CACNA1H: variants seen among roughly 807,000 people sequenced by gnomAD.
CACNA1H encodes calcium voltage-gated channel subunit alpha1 H, also known as voltage-dependent T-type calcium channel subunit alpha-1H.
CACNA1H carries 149 observed loss-of-function variants against 192.5 expected under a neutral mutation model. The ratio of observed to expected loss-of-function variants is 0.77; its 90% CI spans 0.68 to 0.89. The LOEUF is 0.89. Ranked by LOEUF, CACNA1H falls within the 40% of genes least tolerant of loss-of-function variation. The pLI is 0.00. For missense variants in CACNA1H, 4,257 were observed against 3,423.5 expected (o/e 1.24, Z -6.08); for synonymous variants, 2,202 against 1,475.2 (o/e 1.49, Z -11.29).
chr16:1,200,225 A>G (rs755592619), intron 6 of CACNA1H, 31 bp from the exon 7 acceptor site: 8 of 1,552,822 alleles, frequency 5.2e-6, no homozygotes, highest in South Asian at 2.4e-5. Flanking sequence ...CCCTGATTGT[A>G]CCTTTTGGCC....
rs973949396 is a variant in CACNA1H, at chr16:1,167,177, A to G, written c.299+13141A>G. On this transcript the variant is annotated intron_variant, in intron 2 of 34. Coordinates refer to ENST00000348261, the MANE Select transcript of CACNA1H (RefSeq NM_021098.3). The surrounding 1 kb of genome is among the most constrained non-coding windows in gnomAD (Gnocchi z 4.2). ...CCTTTGGGGCGTCTCCCATCGGGAAATGGCAGCCCCTGACCTGCCCCGTGG... is the reference window on the plus strand; with the variant it reads ...CCTTTGGGGCGTCTCCCATCGGGAAGTGGCAGCCCCTGACCTGCCCCGTGG... 1.3e-5 allele frequency among the ~76,000 whole-genome samples: 2 copies of G among 152,154 alleles called. No individual in the cohort carries two copies. The highest frequency in any genetic ancestry group is 4.8e-5 in the African/African-American group (2 of 41,440).
At chr16:1,171,129 T>G (rs1349294262) in intron 2 of CACNA1H, among the ~76,000 whole-genome samples, 1 of 152,130 alleles carries the variant, frequency 6.6e-6, no homozygotes, top group Non-Finnish European at 1.5e-5. Flanking sequence ...CCTCCCCTAG[T>G]GCCTTCCCAC....
rs781441262 is a variant in CACNA1H, at chr16:1,204,412, C to G, written c.2405C>G (p.Ala802Gly). 13 of 1,552,138 alleles carry G rather than the reference C, an allele frequency of 8.4e-6. No homozygotes were observed. The highest frequency in any genetic ancestry group is 1.0e-5 in the Non-Finnish European group (12 of 1,149,928). ...TACTTCAGCCGTGGCATCATGATGG[C>G]CATCCTTGTCAACACGCTGAGCATG... ...SKYFSRGIMMAILVNTLSMGV... is the reference protein window; with the variant it reads ...SKYFSRGIMMGILVNTLSMGV... Residue 802 changes from alanine to glycine, a missense_variant, in exon 10 of 35, where the codon GCC (alanine) becomes GGC (glycine). Coordinates refer to ENST00000348261, the MANE Select transcript of CACNA1H (RefSeq NM_021098.3).
rs1383967941 is a variant in CACNA1H at position 1,200,773 on chromosome 16, T to C, written c.1177T>C (p.Phe393Leu). ...GTACTACGTCATGGACGCCCACTCATTCTACAACTTCATCTATTTCATCCT... is the reference window on the plus strand; with the variant it reads ...GTACTACGTCATGGACGCCCACTCACTCTACAACTTCATCTATTTCATCCT... ...IMYYVMDAHS[F>L]YNFIYFILLI... Residue 393 changes from phenylalanine to leucine, a missense_variant, in exon 8 of 35, where the codon TTC becomes CTC. Transcript: ENST00000348261. 6.4e-7 allele frequency: 1 copy of C among 1,554,058 alleles called. No individual in the cohort carries two copies. Among genetic ancestry groups the C allele is most frequent in the Non-Finnish European group, 8.7e-7 (1 of 1,148,644 alleles).
Position 1,202,220 on chromosome 16 carries a change from G to A in CACNA1H, c.1770G>A (p.Arg590=), listed in dbSNP as rs1332735330. Residue 590 remains arginine (R), a synonymous_variant, in exon 9 of 35, where the codon CGG becomes CGA. Coordinates refer to ENST00000348261, the MANE Select transcript of CACNA1H (RefSeq NM_021098.3). The part of the protein sequence containing the change: ...CHIEGPQERA[R]VAHAAATAAA... ...TAGAGGGGCCGCAGGAGAGGGCCCGGGTGGCACATGCCGCAGCCACTGCCG... is the reference window on the plus strand; with the variant it reads ...TAGAGGGGCCGCAGGAGAGGGCCCGAGTGGCACATGCCGCAGCCACTGCCG... 2 of 1,554,530 alleles carry A rather than the reference G, an allele frequency of 1.3e-6. No individual in the cohort carries two copies. The highest frequency in any genetic ancestry group is 1.4e-5 in the African/African-American group (1 of 73,154).
In CACNA1H at chr16:1,186,510, C is replaced by T. The variant is rs577377414; in HGVS notation, c.300-8462C>T. On this transcript the variant is annotated intron_variant, in intron 2 of 34. Transcript: ENST00000348261. ...ACGTCCTGAGTGCCCTCGTCTTGTC[C>T]CTCTCCACGGCGTTCTCATCCTCCG... Among the ~76,000 whole-genome samples, 35 of 152,194 alleles carry T rather than the reference C, an allele frequency of 2.3e-4. No individual in the cohort carries two copies. The East Asian group carries it at 5.0e-3, about 22-fold the overall frequency.
intron 2 of CACNA1H, among the ~76,000 whole-genome samples, chr16:1,173,872 C>T (rs1000465766): frequency 9.3e-5 from 14 of 151,348 alleles, no homozygotes; most frequent in African/African-American, 2.9e-4. Flanking sequence ...TGGGACCTCA[C>T]GTCACGTGGG....
At chr16:1,193,537 G>A (rs565354153) in intron 2 of CACNA1H, among the ~76,000 whole-genome samples, 53 of 152,376 alleles carry the variant, frequency 3.5e-4, no homozygotes, top group African/African-American at 1.1e-3. Context: ...ATCGGTAGGC[G>A]GCAGTGCGTG....
At chr16:1,175,870 G>A (rs765153036) in intron 2 of CACNA1H, among the ~76,000 whole-genome samples, 64 of 152,124 alleles carry the variant, frequency 4.2e-4, no homozygotes, top group Non-Finnish European at 9.0e-4. Context: ...TGCCCGTCTC[G>A]GGCAGACCTT....
At chr16:1,198,874 A>G (rs1436302291) in intron 6 of CACNA1H, 100 bp downstream of exon 6, 11 of 1,195,026 alleles carry the variant, frequency 9.2e-6, no homozygotes, top group Non-Finnish European at 1.3e-5. Context: ...GGCTCTGCCC[A>G]CCGTGCAGTC....
intron 25 of CACNA1H, 128 bp from the exon 26 acceptor site, chr16:1,212,383 C>A: frequency 9.2e-7 from 1 of 1,083,148 alleles, no homozygotes; most frequent in Non-Finnish European, 1.3e-6. Flanking sequence ...GCAGGTTCCC[C>A]ACCGAGTCCT....
intron 17 of CACNA1H, 156 bp downstream of exon 17, chr16:1,209,568 T>C (rs1969178953): frequency 3.4e-6 from 3 of 874,988 alleles, no homozygotes; most frequent in Admixed American, 2.7e-5. Flanking sequence ...AATCCAGCAG[T>C]GTTCAGGGAT....
rs541075676 is a variant in CACNA1H, at chr16:1,215,404, C to T, written c.5173+29C>T. The T allele has an allele frequency of 6.3e-6, 10 of 1,588,842 alleles. No homozygotes were observed. The Admixed American group carries it at 1.2e-4, about 19-fold the overall frequency. ...GGTGCCCGCGTGCCCGCCAGGTTCTCTCTGCGGGTGGAGGGTGGGGGCTCA... is the reference window on the plus strand; with the variant it reads ...GGTGCCCGCGTGCCCGCCAGGTTCTTTCTGCGGGTGGAGGGTGGGGGCTCA... On this transcript the variant is annotated intron_variant, in intron 29 of 34. Coordinates refer to ENST00000348261, the MANE Select transcript of CACNA1H (RefSeq NM_021098.3).
chr16:1,208,168 C>A lies in CACNA1H; in HGVS notation c.3310C>A (p.Arg1104=). 1 of 1,567,066 alleles carries A rather than the reference C, an allele frequency of 6.4e-7. No homozygotes were observed. Residue 1104 remains arginine (R), a synonymous_variant, in exon 16 of 35, where the codon CGG becomes AGG. Coordinates refer to ENST00000348261, the MANE Select transcript of CACNA1H (RefSeq NM_021098.3). ...TGCAGCCCCCAGCCTCCCAGACTCTCGGCGTGGCAGCAGCAGCTCCGGGGA... is the reference window on the plus strand; with the variant it reads ...TGCAGCCCCCAGCCTCCCAGACTCTAGGCGTGGCAGCAGCAGCTCCGGGGA... ...LDAAPSLPDS[R]RGSSSSGDPP...
Position 1,212,001 on chromosome 16 carries a change from T to G in CACNA1H, c.4622T>G (p.Ile1541Ser), listed in dbSNP as rs1969505566. The G allele has an allele frequency of 6.2e-7, 1 of 1,613,424 alleles. No homozygotes were observed. The highest frequency in any genetic ancestry group is 8.5e-7 in the Non-Finnish European group (1 of 1,179,698). The change falls in exon 25 of 35, where the codon ATC becomes AGC. Residue 1541 changes from isoleucine (I) to serine (S), a missense_variant. Transcript: ENST00000348261. ...MLLYFISFLL[I>S]VSFFVLNMFV... is the part of the protein sequence containing the mutation. ...CTGTACTTCATCTCCTTCCTGCTCA[T>G]CGTCAGCTTCTTCGTGCTCAACATG...
chr16:1,195,243 CTGGGGG>C (rs1209777359), intron 3 of CACNA1H, among the ~76,000 whole-genome samples, 160 bp downstream of exon 3: 1 of 88,130 alleles, frequency 1.1e-5, no homozygotes, highest in Non-Finnish European at 2.3e-5. Context: ...CGAGGTGGGG[CTGGGGG>C]TGGGGCAGGG....
intron 2 of CACNA1H, among the ~76,000 whole-genome samples, chr16:1,171,797 C>T (rs1459146823): frequency 1.3e-5 from 2 of 152,226 alleles, no homozygotes; most frequent in South Asian, 2.1e-4. Flanking sequence ...TGGGCAGACA[C>T]TACCCCCAAC....
intron 2 of CACNA1H, among the ~76,000 whole-genome samples, chr16:1,168,648 C>T (rs1002709439): frequency 2.6e-5 from 4 of 152,064 alleles, no homozygotes; most frequent in African/African-American, 9.7e-5. Flanking sequence ...ATGCATCGTG[C>T]TCGGCCGAGT....
Position 1,221,153 on chromosome 16 carries a change from C to T in CACNA1H, c.*159C>T, listed in dbSNP as rs1044367441. On this transcript the variant is annotated 3_prime_UTR_variant, in exon 35 of 35. Coordinates refer to ENST00000348261, the MANE Select transcript of CACNA1H (RefSeq NM_021098.3). ...GCCCAGGCCCTGGTTCTCTGCCCAG[C>T]GAAGCAGGAGTAGCTGCCGGGCCCC... The T allele has an allele frequency of 2.9e-5, 17 of 583,650 alleles. No homozygotes were observed. The highest frequency in any genetic ancestry group is 7.4e-5 in the African/African-American group (4 of 53,720). The allele number at this position is 583,650 out of a possible 1,614,324, so 36.2% of individuals were successfully genotyped here.
Sources: gnomAD v4.1 joint callset for allele counts (sites outside exome capture counted in the v4.1 genomes callset) on GRCh38, gnomAD v4.1.1 for gene constraint, Gnocchi (gnomAD v3.1) non-coding constraint, MANE v1.5 for transcripts, NCBI Gene and HGNC (gene_info 2026-07-23, HGNC 2026-07-21) for gene names.